The following NTRK2 variants were observed in gnomAD, a reference collection of about 807,000 sequenced individuals.
NTRK2 encodes BDNF/NT-3 growth factors receptor.
Under a neutral mutation model 94.5 loss-of-function variants are expected in NTRK2, and 13 were observed. The ratio of observed to expected loss-of-function variants is 0.14; its 90% confidence interval spans 0.09 to 0.22. The LOEUF is 0.22. Among genes scored for constraint, NTRK2 ranks in the 10% least tolerant of loss-of-function variants. The probability of loss-of-function intolerance (pLI) is 1.00; values close to 1 mark genes in which losing one functional copy is unlikely to be tolerated. For missense variants in NTRK2, 639 were observed against 1,071.2 expected (o/e 0.60, Z 5.63); for synonymous variants, 372 against 407.4 (o/e 0.91, Z 1.05).
At chr9:84,770,826 G>A (rs1427974928) in intron 12 of NTRK2, among the ~76,000 whole-genome samples, 2 of 152,160 alleles carry the variant, frequency 1.3e-5, no homozygotes, top group African/African-American at 4.8e-5. Context: ...ATGTGCCCAA[G>A]TCACAGAGCT....
intron 12 of NTRK2, among the ~76,000 whole-genome samples, chr9:84,793,868 T>C (rs932676771): frequency 6.6e-6 from 1 of 152,214 alleles, no homozygotes; most frequent in Non-Finnish European, 1.5e-5. Context: ...GTTTACATAT[T>C]GTCGATGCCT....
chr9:84,814,293 C>T, intron 12 of NTRK2: 2 of 1,065,404 alleles, frequency 1.9e-6, no homozygotes, highest in Non-Finnish European at 2.3e-6. Context: ...GCAGAGGCGA[C>T]ACCTCTTCAG....
chr9:85,020,083 T>G, intron 17 of NTRK2, 123 bp from the exon 18 acceptor site: 2 of 1,001,148 alleles, frequency 2.0e-6, no homozygotes, highest in South Asian at 2.6e-5. Flanking sequence ...ATCCTTTATG[T>G]GTTTATAAAC....
At chr9:84,864,956 G>A (rs2075520743) in intron 13 of NTRK2, among the ~76,000 whole-genome samples, 2 of 151,828 alleles carry the variant, frequency 1.3e-5, no homozygotes, top group African/African-American at 4.8e-5. Flanking sequence ...GGCCAGGCTG[G>A]TCTCAAACTC....
intron 11 of NTRK2, 118 bp from the exon 12 acceptor site, chr9:84,751,868 G>A: frequency 1.3e-6 from 1 of 797,966 alleles, no homozygotes; most frequent in Non-Finnish European, 2.2e-6. Context: ...AGAACAAGTG[G>A]TAAGCATTCA....
rs555860405 is a variant in NTRK2 at position 84,816,244 on chromosome 9, CA to C, written c.1397-44795del. On this transcript the variant is annotated intron_variant, in intron 12 of 18. Transcript: ENST00000277120. ...ACCATAACTGTTAGCATGGTGCCCA[CA>C]CTTCATGTCCCTTTTGTCTCTATCC... 2.1e-4 allele frequency among the ~76,000 whole-genome samples: 32 copies of C among 152,234 alleles called. No homozygotes were observed. In the South Asian group the frequency reaches 5.8e-3, roughly 28 times the overall value.
At chr9:84,764,523 G>A (rs1043185062) in intron 12 of NTRK2, among the ~76,000 whole-genome samples, 3 of 152,140 alleles carry the variant, frequency 2.0e-5, no homozygotes, top group Non-Finnish European at 2.9e-5. Flanking sequence ...GCCTACACTA[G>A]GGAGGGTCAT....
intron 14 of NTRK2, among the ~76,000 whole-genome samples, chr9:84,906,723 G>A (rs2077086405): frequency 6.6e-6 from 1 of 152,140 alleles, no homozygotes; most frequent in South Asian, 2.1e-4. Flanking sequence ...ATAACTCCCA[G>A]CTCCATGAAG....
chr9:84,964,063 C>T (rs191783463), intron 17 of NTRK2, among the ~76,000 whole-genome samples: 83 of 152,170 alleles, frequency 5.5e-4, no homozygotes, highest in Non-Finnish European at 8.7e-4. Context: ...AACCAGGTTC[C>T]GTTGATTGAG....
At chr9:84,911,837 A>G (rs1054139883) in intron 14 of NTRK2, among the ~76,000 whole-genome samples, 3 of 151,976 alleles carry the variant, frequency 2.0e-5, no homozygotes, top group African/African-American at 7.2e-5. Flanking sequence ...TTCTTGTGGT[A>G]GGAACTTAGA....
intron 17 of NTRK2, among the ~76,000 whole-genome samples, chr9:84,966,487 A>G (rs1825571295): frequency 6.6e-6 from 1 of 152,162 alleles, no homozygotes; most frequent in South Asian, 2.1e-4. Context: ...GCTGGAGTGT[A>G]ATGGCACAAT....
rs1324438966 is a variant in NTRK2, at chr9:84,874,113, G to C, written c.1633+6682G>C. The C allele has an allele frequency of 8.5e-6, 9 of 1,064,724 alleles. No homozygotes were observed. The East Asian group carries it at 4.0e-4, about 47-fold the overall frequency. The allele number at this position is 1,064,724 out of a possible 1,614,324, so 66.0% of individuals were successfully genotyped here. ...CTGACTGGAGTGTGTGTACCAACAGGATGAATCCAATCAAGCTACGCCCCC... is the reference window on the plus strand; with the variant it reads ...CTGACTGGAGTGTGTGTACCAACAGCATGAATCCAATCAAGCTACGCCCCC... On this transcript the variant is annotated intron_variant, in intron 14 of 18. Coordinates refer to ENST00000277120, the MANE Select transcript of NTRK2 (RefSeq NM_006180.6).
intron 14 of NTRK2, among the ~76,000 whole-genome samples, chr9:84,870,648 AT>A (rs896191545): frequency 2.0e-5 from 3 of 151,796 alleles, no homozygotes; most frequent in Admixed American, 2.0e-4. Context: ...CCCATTGAAT[AT>A]TTTTTACAAA....
At chr9:84,787,331 CA>C (rs1014431978) in intron 12 of NTRK2, among the ~76,000 whole-genome samples, 1 of 151,934 alleles carries the variant, frequency 6.6e-6, no homozygotes, top group Non-Finnish European at 1.5e-5. Context: ...AACAAACAAA[CA>C]AACAAACAAA....
chr9:84,915,349 G>A (rs746120769), intron 14 of NTRK2, among the ~76,000 whole-genome samples: 4 of 152,166 alleles, frequency 2.6e-5, no homozygotes, highest in Non-Finnish European at 5.9e-5. Context: ...TTGGACTGTG[G>A]GGATGCGGCC....
At chr9:84,975,510 T>C (rs1391855068) in intron 17 of NTRK2, among the ~76,000 whole-genome samples, 1 of 152,204 alleles carries the variant, frequency 6.6e-6, no homozygotes, top group Non-Finnish European at 1.5e-5. Flanking sequence ...ATTGGCGTTA[T>C]TTGTCATCAC....
intron 12 of NTRK2, among the ~76,000 whole-genome samples, chr9:84,775,509 C>T (rs188337454): frequency 1.3e-5 from 2 of 152,250 alleles, no homozygotes; most frequent in East Asian, 1.9e-4. Flanking sequence ...AGACTCTTGG[C>T]GTAACCTAGG....
At position 84,670,641 on chromosome 9, in the gene NTRK2, G is replaced by C. The variant is rs1056439142; in HGVS notation, c.-108G>C. On this transcript the variant is annotated 5_prime_UTR_variant, in exon 2 of 19. Coordinates refer to ENST00000277120, the MANE Select transcript of NTRK2 (RefSeq NM_006180.6). ...ACTCGGCACGCCCGCAACAAGCACCGAGGAGTTAAGAGAGCCGCAAGCGCA... is the reference window on the plus strand; with the variant it reads ...ACTCGGCACGCCCGCAACAAGCACCCAGGAGTTAAGAGAGCCGCAAGCGCA... 2 of 1,074,796 alleles carry C rather than the reference G, an allele frequency of 1.9e-6. No homozygotes were observed. Among genetic ancestry groups the C allele is most frequent in the African/African-American group, 1.5e-5 (1 of 64,802 alleles). 66.6% of individuals were successfully genotyped at this position (1,074,796 alleles called of 1,614,324 possible).
intron 2 of NTRK2, among the ~76,000 whole-genome samples, chr9:84,693,003 C>G (rs2060144295): frequency 6.6e-6 from 1 of 152,166 alleles, no homozygotes; most frequent in African/African-American, 2.4e-5. Context: ...TCCGAACAAC[C>G]CAGGGGCAGC....
Sources: allele counts gnomAD v4.1 joint callset (sites outside exome capture counted in the v4.1 genomes callset), GRCh38; gene constraint gnomAD v4.1.1; transcripts MANE v1.5; gene names NCBI Gene and HGNC (gene_info 2026-07-23, HGNC 2026-07-21).